MYO5B: variants seen among roughly 807,000 people sequenced by gnomAD.
The protein encoded by MYO5B is myosin VB.
Under a neutral mutation model 229.3 loss-of-function variants are expected in MYO5B, and 143 were observed. The observed-to-expected ratio is 0.62, with a 90% CI of 0.54 to 0.72. MYO5B has a LOEUF of 0.72. Ranked by LOEUF, MYO5B falls within the 30% of genes least tolerant of loss-of-function variation. The probability of loss-of-function intolerance (pLI) is 0.00; values close to 1 mark genes in which losing one functional copy is unlikely to be tolerated. For missense variants in MYO5B, 2,321 were observed against 2,331.0 expected (o/e 1.00, Z 0.09); for synonymous variants, 918 against 885.2 (o/e 1.04, Z -0.66).
intron 14 of MYO5B, among the ~76,000 whole-genome samples, chr18:49,947,412 C>T (rs1390615673): frequency 3.3e-5 from 5 of 152,156 alleles, no homozygotes; most frequent in Non-Finnish European, 7.3e-5. Flanking sequence ...GCCGTAGTCA[C>T]CAAGCTCTTA....
At chr18:50,096,898 G>A (rs775972312) in intron 1 of MYO5B, among the ~76,000 whole-genome samples, 11 of 152,046 alleles carry the variant, frequency 7.2e-5, no homozygotes, top group Non-Finnish European at 1.6e-4. Context: ...TTCAGACAAC[G>A]TCTGCTCCCA....
chr18:50,071,843 C>T (rs757214844), intron 1 of MYO5B, among the ~76,000 whole-genome samples: 3 of 152,238 alleles, frequency 2.0e-5, no homozygotes, highest in Admixed American at 6.5e-5. Context: ...GGATCCTTAG[C>T]ACAGGCTTAA....
intron 16 of MYO5B, among the ~76,000 whole-genome samples, chr18:49,934,375 G>A (rs2025227294): frequency 6.6e-6 from 1 of 152,230 alleles, no homozygotes; most frequent in African/African-American, 2.4e-5. Flanking sequence ...TTTGTATTGG[G>A]AGGAAGATTT....
At chr18:50,076,825 G>A (rs570041818) in intron 1 of MYO5B, among the ~76,000 whole-genome samples, 6 of 151,922 alleles carry the variant, frequency 3.9e-5, no homozygotes, top group East Asian at 1.9e-4. Context: ...AATGTCCAGC[G>A]AGTGGCTTGA....
chr18:50,052,210 T>C (rs2030412155), intron 2 of MYO5B, among the ~76,000 whole-genome samples: 1 of 152,156 alleles, frequency 6.6e-6, no homozygotes, highest in Non-Finnish European at 1.5e-5. Context: ...ACTGGGTATA[T>C]ACCAAAAGGA....
chr18:49,985,024 G>A (rs564721606), intron 7 of MYO5B, among the ~76,000 whole-genome samples, 199 bp from the exon 8 acceptor site: 1 of 152,270 alleles, frequency 6.6e-6, no homozygotes, highest in South Asian at 2.1e-4. Context: ...AAAATTATAC[G>A]ACACTGACAG....
intron 4 of MYO5B, among the ~76,000 whole-genome samples, chr18:50,019,044 C>T (rs1045207977): frequency 1.3e-5 from 2 of 152,174 alleles, no homozygotes; most frequent in East Asian, 1.9e-4. Flanking sequence ...AACCATGTTA[C>T]ACTCCAGAGC....
intron 27 of MYO5B, 60 bp from the exon 28 acceptor site, chr18:49,864,440 T>A: frequency 1.9e-6 from 3 of 1,595,938 alleles, no homozygotes; most frequent in Non-Finnish European, 2.6e-6. Context: ...TCTCCCTGTG[T>A]GGGCCTCCCC....
chr18:49,885,878 G>C (rs2679727), intron 22 of MYO5B, among the ~76,000 whole-genome samples: 1 of 151,880 alleles, frequency 6.6e-6, no homozygotes, highest in Admixed American at 6.5e-5. Context: ...AGGGCCCATA[G>C]AGAAAAGTAG....
chr18:49,901,893 G>C (rs1162510921), intron 21 of MYO5B, among the ~76,000 whole-genome samples: 3 of 152,176 alleles, frequency 2.0e-5, no homozygotes, highest in African/African-American at 7.2e-5. Context: ...ACTTGCCGTA[G>C]GAGGGCCGCT....
Position 49,842,872 on chromosome 18 carries a change from G to A in MYO5B, c.4611+369C>T, listed in dbSNP as rs187808976. On this transcript the variant is annotated intron_variant, in intron 34 of 39. Coordinates refer to ENST00000285039, the MANE Select transcript of MYO5B (RefSeq NM_001080467.3). ...TGGAGAGGGCCCATGTTTCAGGGGTGTCCCTGAACTTGCTCCAGGGTGAGG... is the reference window on the plus strand; with the variant it reads ...TGGAGAGGGCCCATGTTTCAGGGGTATCCCTGAACTTGCTCCAGGGTGAGG... 1.1e-4 allele frequency among the ~76,000 whole-genome samples: 17 copies of A among 152,330 alleles called. No homozygotes were observed. In the East Asian group the frequency reaches 2.3e-3, roughly 21 times the overall value.
chr18:49,980,617 C>A, intron 8 of MYO5B, 64 bp from the exon 9 acceptor site: 1 of 1,234,206 alleles, frequency 8.1e-7, no homozygotes, highest in South Asian at 1.2e-5. Context: ...GACATTTTAC[C>A]CCTTTTAAGG....
intron 1 of MYO5B, among the ~76,000 whole-genome samples, chr18:50,070,954 G>A (rs1284783554): frequency 6.6e-6 from 1 of 152,156 alleles, no homozygotes; most frequent in African/African-American, 2.4e-5. Context: ...CTGGGTAGCT[G>A]GGACATTTGG....
In MYO5B at chr18:49,936,079, G is replaced by A. The variant is rs115696647; in HGVS notation, c.2003+173C>T. ...AGACCTCCTGGACAGCAGACTGGTG[G>A]CACTCAGCAAGTGTCTGTCAGTCTG... is the stretch of plus-strand genomic sequence containing the variant. On this transcript the variant is annotated intron_variant, in intron 16 of 39. Coordinates refer to ENST00000285039, the MANE Select transcript of MYO5B (RefSeq NM_001080467.3). Among the ~76,000 whole-genome samples the A allele has an allele frequency of 8.4e-3, 1,277 of 152,342 alleles. 11 individuals carry two copies. Among genetic ancestry groups the A allele is most frequent in the African/African-American group, 0.029 (1,199 of 41,574 alleles).
At chr18:50,034,638 G>A (rs995448089) in intron 4 of MYO5B, among the ~76,000 whole-genome samples, 1 of 152,234 alleles carries the variant, frequency 6.6e-6, no homozygotes, top group African/African-American at 2.4e-5. Context: ...CAGTTACTCA[G>A]GAGGCTGAGG....
intron 14 of MYO5B, among the ~76,000 whole-genome samples, chr18:49,947,586 T>C (rs1339134239): frequency 6.6e-6 from 1 of 152,224 alleles, no homozygotes; most frequent in African/African-American, 2.4e-5. Flanking sequence ...ACTCCAATTA[T>C]GTGTTTAGAG....
At chr18:50,158,006 A>G (rs1250921720) in intron 1 of MYO5B, among the ~76,000 whole-genome samples, 1 of 152,256 alleles carries the variant, frequency 6.6e-6, no homozygotes, top group Non-Finnish European at 1.5e-5. Flanking sequence ...ATGTGATCAC[A>G]CAACTAAATA....
chr18:49,964,638 T>G (rs943155577), intron 10 of MYO5B, among the ~76,000 whole-genome samples: 47 of 152,236 alleles, frequency 3.1e-4, no homozygotes, highest in African/African-American at 1.1e-3. Flanking sequence ...ATAAAAAGTC[T>G]GAATTTTAAC....
chr18:49,895,238 C>T, intron 21 of MYO5B, 64 bp from the exon 22 acceptor site: 1 of 1,408,008 alleles, frequency 7.1e-7, no homozygotes. Flanking sequence ...GGTTATTTTA[C>T]CAGGGAAAAA....
Sources: gnomAD v4.1 joint callset for allele counts (sites outside exome capture counted in the v4.1 genomes callset) on GRCh38, gnomAD v4.1.1 for gene constraint, MANE v1.5 for transcripts, NCBI Gene and HGNC (gene_info 2026-07-23, HGNC 2026-07-21) for gene names.